TSHZ2: variants seen among roughly 807,000 people sequenced by gnomAD.
TSHZ2 encodes the protein teashirt homolog 2.
In TSHZ2, 21 loss-of-function variants were observed where a neutral mutation model predicts 74.4. That is an observed-to-expected ratio of 0.28 (90% CI 0.20 to 0.41). TSHZ2 has a LOEUF of 0.41. Ranked by LOEUF, TSHZ2 falls within the 10% of genes least tolerant of loss-of-function variation. TSHZ2 has a pLI of 1.00. For synonymous variants in TSHZ2, 540 were observed against 515.3 expected (o/e 1.05, Z -0.65); for missense variants, 1,244 against 1,293.5 (o/e 0.96, Z 0.59).
chr20:53,405,079 G>A (rs1982794394), intron 2 of TSHZ2, among the ~76,000 whole-genome samples: 1 of 152,066 alleles, frequency 6.6e-6, no homozygotes, highest in Admixed American at 6.6e-5. Flanking sequence ...GCGAAAACCT[G>A]TCTCTACAAA....
chr20:53,267,747 T>A (rs1990749669), intron 2 of TSHZ2, among the ~76,000 whole-genome samples: 1 of 152,208 alleles, frequency 6.6e-6, no homozygotes, highest in Admixed American at 6.5e-5. Context: ...AATAAATGAG[T>A]GCTGACATAC....
intron 1 of TSHZ2, among the ~76,000 whole-genome samples, chr20:53,071,874 A>G (rs1206640121): frequency 6.6e-6 from 1 of 152,078 alleles, no homozygotes; most frequent in Non-Finnish European, 1.5e-5. Context: ...AGGGCTTTGG[A>G]TTGTCGTTGT....
intron 2 of TSHZ2, among the ~76,000 whole-genome samples, chr20:53,446,277 C>A (rs184866268): frequency 6.6e-6 from 1 of 152,058 alleles, no homozygotes; most frequent in East Asian, 1.9e-4. Flanking sequence ...AGAAGGTCAG[C>A]TTTTGGCCAG....
intron 1 of TSHZ2, chr20:53,198,189 C>T (rs1305648194): frequency 6.6e-6 from 1 of 152,202 alleles, no homozygotes; most frequent in African/African-American, 2.4e-5. Context: ...CCTGTAATTT[C>T]AGGGTTCTGG....
At chr20:53,102,003 A>G (rs774350745) in intron 1 of TSHZ2, among the ~76,000 whole-genome samples, 3 of 149,994 alleles carry the variant, frequency 2.0e-5, no homozygotes, top group African/African-American at 7.3e-5. Flanking sequence ...TAATTTGGTA[A>G]CAATAAATAA....
intron 2 of TSHZ2, among the ~76,000 whole-genome samples, chr20:53,476,083 A>C (rs1985983949): frequency 7.0e-6 from 1 of 142,766 alleles, no homozygotes; most frequent in Admixed American, 6.9e-5. Flanking sequence ...CAGAGGTACA[A>C]GGAGGAACTG....
chr20:53,256,177 C>T lies in TSHZ2; in HGVS notation c.2719C>T (p.Leu907Phe). 1 of 1,612,400 alleles carries T rather than the reference C, an allele frequency of 6.2e-7. No individual in the cohort carries two copies. The highest frequency in any genetic ancestry group is 8.5e-7 in the Non-Finnish European group (1 of 1,178,834). Residue 907 changes from leucine to phenylalanine, a missense_variant, in exon 2 of 3, where the codon CTT becomes TTT. By Grantham distance (22) the Leu-to-Phe change is conservative. This residue lies in a region of TSHZ2 where 185 missense variants were observed against 213.3 expected (regional missense o/e 0.87). Coordinates refer to ENST00000371497, the MANE Select transcript of TSHZ2 (RefSeq NM_173485.6). This position sits in a 1 kb window ranked among gnomAD's most constrained non-coding sequence, Gnocchi z 4.3. ...CTGGCTGGCCAACGTCAAGTACCAG[C>T]TTAGGAAAACGGGCGGGACAAAATT... The part of the protein sequence containing the change: ...SHWLANVKYQ[L>F]RKTGGTKFLK...
chr20:53,204,548 T>C (rs548652093), intron 1 of TSHZ2, among the ~76,000 whole-genome samples: 2 of 152,230 alleles, frequency 1.3e-5, no homozygotes, highest in South Asian at 4.1e-4. Context: ...TGAAATTCCA[T>C]GCATAGCTGA....
At chr20:52,990,961 T>C (rs1981962377) in intron 1 of TSHZ2, among the ~76,000 whole-genome samples, 1 of 152,198 alleles carries the variant, frequency 6.6e-6, no homozygotes, top group Non-Finnish European at 1.5e-5. Context: ...TATGTATATT[T>C]TGATTGTGTA....
chr20:52,990,458 G>A (rs532838080), intron 1 of TSHZ2, among the ~76,000 whole-genome samples: 1 of 152,030 alleles, frequency 6.6e-6, no homozygotes, highest in South Asian at 2.1e-4. Flanking sequence ...CCTTGGGGTG[G>A]GGTGGGGTGG....
chr20:53,461,322 T>C (rs200480237), intron 2 of TSHZ2: 1 of 153,234 alleles, frequency 6.5e-6, no homozygotes, highest in Non-Finnish European at 1.5e-5. Flanking sequence ...TCCGTCACCC[T>C]TTTCTTTGAT....
At chr20:52,985,234 G>A (rs1981710523) in intron 1 of TSHZ2, among the ~76,000 whole-genome samples, 1 of 151,950 alleles carries the variant, frequency 6.6e-6, no homozygotes, top group African/African-American at 2.4e-5. Context: ...ATCTCGGTGC[G>A]ACCTCAGGCA....
intron 2 of TSHZ2, among the ~76,000 whole-genome samples, chr20:53,354,782 T>G (rs978486064): frequency 6.6e-6 from 1 of 152,226 alleles, no homozygotes; most frequent in Non-Finnish European, 1.5e-5. Flanking sequence ...TTGAGTATCA[T>G]GTATGCATTC....
intron 2 of TSHZ2, among the ~76,000 whole-genome samples, chr20:53,257,791 C>A (rs1990514255): frequency 6.6e-6 from 1 of 152,184 alleles, no homozygotes; most frequent in Non-Finnish European, 1.5e-5. Flanking sequence ...CGGATTTGCT[C>A]CTAGTTAATT....
intron 1 of TSHZ2, among the ~76,000 whole-genome samples, chr20:53,216,882 C>CCCTGGCAGCT (rs1206073505): frequency 6.6e-6 from 1 of 152,164 alleles, no homozygotes; most frequent in Non-Finnish European, 1.5e-5. Context: ...TCCCTGCAGC[C>CCCTGGCAGCT]CCTGGCAGCT....
In TSHZ2 at chr20:53,357,476, G is replaced by T. The variant is rs754668442; in HGVS notation, c.*8+100905G>T. ...GCCCAGGAGTTCAAGACCAGCCTGG[G>T]CAACTTAGTGAGACGCTGTCTCTAT... is the stretch of plus-strand genomic sequence containing the variant. On this transcript the variant is annotated intron_variant, in intron 2 of 2. Coordinates refer to ENST00000371497, the MANE Select transcript of TSHZ2 (RefSeq NM_173485.6). Among the ~76,000 whole-genome samples the T allele has an allele frequency of 4.6e-5, 7 of 151,928 alleles. No homozygotes were observed. In the East Asian group the frequency reaches 1.4e-3, roughly 29 times the overall value.
chr20:53,142,294 G>C (rs1164439271), intron 1 of TSHZ2, among the ~76,000 whole-genome samples: 1 of 152,110 alleles, frequency 6.6e-6, no homozygotes, highest in South Asian at 2.1e-4. Flanking sequence ...CTCAGATCCT[G>C]TCCTGCCCCC....
intron 2 of TSHZ2, among the ~76,000 whole-genome samples, chr20:53,299,183 T>G (rs1991434129): frequency 6.6e-6 from 1 of 152,226 alleles, no homozygotes; most frequent in South Asian, 2.1e-4. Flanking sequence ...CCCTGTCTTA[T>G]AGCAGCACTA....
At position 53,206,956 on chromosome 20, in the gene TSHZ2, C is replaced by T. The variant is rs1458399198; in HGVS notation, c.41-46543C>T. On this transcript the variant is annotated intron_variant, in intron 1 of 2. Coordinates refer to ENST00000371497, the MANE Select transcript of TSHZ2 (RefSeq NM_173485.6). ...TGCTTGTTTGTGGATTCACTGATCA[C>T]TTTCTTATTACTCTTCCACCTCCAT... Among the ~76,000 whole-genome samples, 12 of 152,332 alleles carry T rather than the reference C, an allele frequency of 7.9e-5. No homozygotes were observed. In the East Asian group the frequency reaches 2.3e-3, roughly 29 times the overall value.
Sources: allele counts gnomAD v4.1 joint callset (sites outside exome capture counted in the v4.1 genomes callset), GRCh38; gene constraint gnomAD v4.1.1; regional missense constraint gnomAD v4.1.1; non-coding constraint Gnocchi (gnomAD v3.1); transcripts MANE v1.5; gene names NCBI Gene and HGNC (gene_info 2026-07-23, HGNC 2026-07-21).